The following ANKRD6 variants were observed in gnomAD, a reference collection of about 807,000 sequenced individuals.
ANKRD6 encodes the protein ankyrin repeat domain 6, also known as ankyrin repeat domain-containing protein 6.
In ANKRD6, 56 loss-of-function variants were observed where a neutral mutation model predicts 82.3. The observed-to-expected ratio is 0.68, with a 90% CI of 0.55 to 0.85. ANKRD6 has a LOEUF of 0.85. Among genes scored for constraint, ANKRD6 ranks in the 40% least tolerant of loss-of-function variants. The probability of loss-of-function intolerance (pLI) is 0.00; values close to 1 mark genes in which losing one functional copy is unlikely to be tolerated. For synonymous variants in ANKRD6, 347 were observed against 352.1 expected, an observed-to-expected ratio of 0.99 and a Z score of 0.16; for missense variants, 852 against 907.6, an observed-to-expected ratio of 0.94 and a Z score of 0.79.
intron 2 of ANKRD6, among the ~76,000 whole-genome samples, chr6:89,592,849 G>C (rs928170242): frequency 1.3e-5 from 2 of 152,144 alleles, no homozygotes; most frequent in Non-Finnish European, 2.9e-5. Context: ...AGCACTTTGG[G>C]AGGCTGAGGT....
chr6:89,621,510 T>G (rs1461085203), intron 9 of ANKRD6: 1 of 178,816 alleles, frequency 5.6e-6, no homozygotes, highest in Non-Finnish European at 1.2e-5. Flanking sequence ...TCAAGTCCAG[T>G]GTACCAAGAT....
intron 6 of ANKRD6, 136 bp from the exon 7 acceptor site, chr6:89,613,656 T>C (rs1340219888): frequency 1.3e-6 from 1 of 791,062 alleles, no homozygotes; most frequent in East Asian, 2.7e-5. Context: ...GGAGCATCTA[T>C]GTTAAAAGAG....
chr6:89,592,453 G>C (rs1379452724), intron 2 of ANKRD6, among the ~76,000 whole-genome samples: 1 of 152,178 alleles, frequency 6.6e-6, no homozygotes, highest in South Asian at 2.1e-4. Flanking sequence ...AATGACACAG[G>C]TGTTATTAGT....
intron 1 of ANKRD6, among the ~76,000 whole-genome samples, chr6:89,527,729 G>A (rs1460429227): frequency 6.6e-6 from 1 of 152,056 alleles, no homozygotes; most frequent in Admixed American, 6.6e-5. Context: ...GCTGGTGGAG[G>A]ATCTTACCTC....
At chr6:89,562,119 G>A (rs1363002015) in intron 1 of ANKRD6, among the ~76,000 whole-genome samples, 1 of 152,190 alleles carries the variant, frequency 6.6e-6, no homozygotes, top group Non-Finnish European at 1.5e-5. Flanking sequence ...TTAGATTTCT[G>A]TTGCTTCAAC....
intron 1 of ANKRD6, among the ~76,000 whole-genome samples, chr6:89,471,713 G>A: frequency 6.6e-6 from 1 of 152,014 alleles, no homozygotes; most frequent in East Asian, 1.9e-4. Context: ...AGTTAGTCCA[G>A]GAGTGAGAAC....
intron 1 of ANKRD6, among the ~76,000 whole-genome samples, chr6:89,434,190 T>G (rs140534958): frequency 6.6e-6 from 1 of 152,334 alleles, no homozygotes; most frequent in East Asian, 1.9e-4. Context: ...CCCACTTCTT[T>G]AAACCTTAGT....
intron 1 of ANKRD6, among the ~76,000 whole-genome samples, chr6:89,550,182 G>A (rs1266418084): frequency 6.6e-6 from 1 of 151,590 alleles, no homozygotes; most frequent in Non-Finnish European, 1.5e-5. Context: ...GGTATATATG[G>A]TATATATATA....
rs565462054 is a variant in ANKRD6, at chr6:89,444,706, G to A, written c.-144+11331G>A. ...TTAAGGGCTGGGCGCGGTGGCTCAC[G>A]CCTGTAATCCCAGCACTTTGGGAGG... On this transcript the variant is annotated intron_variant, in intron 1 of 15. Transcript: ENST00000339746. 2.0e-3 allele frequency among the ~76,000 whole-genome samples: 306 copies of A among 152,280 alleles called. 1 individual carries two copies. Among genetic ancestry groups the A allele is most frequent in the Non-Finnish European group, 3.4e-3 (234 of 68,028 alleles).
At chr6:89,497,433 A>G (rs147446752) in intron 1 of ANKRD6, among the ~76,000 whole-genome samples, 765 of 152,042 alleles carry the variant, frequency 5.0e-3, no homozygotes, top group Non-Finnish European at 6.4e-3. Context: ...CCAAAAACAG[A>G]CCTCTGTTTC....
intron 1 of ANKRD6, among the ~76,000 whole-genome samples, chr6:89,474,245 G>A (rs1775800082): frequency 1.3e-5 from 2 of 152,168 alleles, no homozygotes; most frequent in Admixed American, 6.5e-5. Flanking sequence ...ACAGTGAAGG[G>A]TGTTGATGGA....
In ANKRD6 at chr6:89,612,283, A is replaced by C. The variant is rs767267407; in HGVS notation, c.429A>C (p.Thr143=). ...NVLAKNKAGN[T]ALHLACQNSH... ...TGCCTCTCTCCAAGGCGGGGAACAC[A>C]GCTCTGCACCTGGCCTGCCAGAACA... is the stretch of plus-strand genomic sequence containing the variant. The change falls in exon 6 of 16, where the codon ACA becomes ACC. Residue 143 remains threonine (T), a synonymous_variant. Coordinates refer to ENST00000339746, the MANE Select transcript of ANKRD6 (RefSeq NM_001242809.2). The C allele has an allele frequency of 4.5e-6, 7 of 1,558,754 alleles. No individual in the cohort carries two copies. The highest frequency in any genetic ancestry group is 6.1e-6 in the Non-Finnish European group (7 of 1,150,834).
chr6:89,571,865 T>C (rs2128090381), intron 2 of ANKRD6, among the ~76,000 whole-genome samples: 1 of 152,320 alleles, frequency 6.6e-6, no homozygotes, highest in Middle Eastern at 3.4e-3. Context: ...TCCACCAGTA[T>C]AGTATCATAT....
At chr6:89,469,213 G>A (rs1775181998) in intron 1 of ANKRD6, among the ~76,000 whole-genome samples, 2 of 152,160 alleles carry the variant, frequency 1.3e-5, no homozygotes, top group Non-Finnish European at 1.5e-5. Context: ...AGTTGTAGCT[G>A]TCAAATGTTT....
intron 1 of ANKRD6, among the ~76,000 whole-genome samples, chr6:89,543,431 A>G (rs533948827): frequency 6.6e-6 from 1 of 152,306 alleles, no homozygotes; most frequent in Non-Finnish European, 1.5e-5. Flanking sequence ...ACATGGCCAC[A>G]GCTCCACTTG....
chr6:89,502,023 C>G (rs148036970), intron 1 of ANKRD6, among the ~76,000 whole-genome samples: 4 of 152,330 alleles, frequency 2.6e-5, no homozygotes, highest in African/African-American at 9.6e-5. Flanking sequence ...TTAACACTTT[C>G]ACCTAGCCTC....
At chr6:89,573,274 CTTA>C (rs950408681) in intron 2 of ANKRD6, among the ~76,000 whole-genome samples, 2 of 152,150 alleles carry the variant, frequency 1.3e-5, no homozygotes, top group African/African-American at 4.8e-5. Context: ...AAATATATAT[CTTA>C]TTATTTTTCC....
At chr6:89,617,256 G>A (rs551682570) in intron 8 of ANKRD6, among the ~76,000 whole-genome samples, 4 of 152,134 alleles carry the variant, frequency 2.6e-5, no homozygotes, top group Non-Finnish European at 5.9e-5. Flanking sequence ...TGTGGTCTGG[G>A]ACTGCTGAAG....
intron 1 of ANKRD6, among the ~76,000 whole-genome samples, chr6:89,445,273 T>C (rs1448979220): frequency 4.3e-5 from 6 of 139,516 alleles, no homozygotes; most frequent in South Asian, 2.4e-4. Flanking sequence ...TCTTTTTTTT[T>C]TTTTTTTTTT....
Sources: gnomAD v4.1 joint callset for allele counts (sites outside exome capture counted in the v4.1 genomes callset) on GRCh38, gnomAD v4.1.1 for gene constraint, MANE v1.5 for transcripts, NCBI Gene and HGNC (gene_info 2026-07-23, HGNC 2026-07-21) for gene names.